The following TMPRSS11D variants were observed in gnomAD, a reference collection of about 807,000 sequenced individuals.
TMPRSS11D encodes transmembrane protease serine 11D.
A neutral mutation model predicts 44.4 loss-of-function variants in TMPRSS11D; 32 were observed. The ratio of observed to expected loss-of-function variants is 0.72; its 90% confidence interval spans 0.54 to 0.97. The LOEUF is 0.97. Among genes scored for constraint, TMPRSS11D ranks in the 50% least tolerant of loss-of-function variants. TMPRSS11D has a pLI of 0.00. For synonymous variants in TMPRSS11D, 179 were observed against 177.9 expected (o/e 1.01, Z -0.05); for missense variants, 446 against 502.6 (o/e 0.89, Z 1.08).
intron 3 of TMPRSS11D, among the ~76,000 whole-genome samples, chr4:67,844,257 A>G (rs1396374571): frequency 1.3e-5 from 2 of 152,222 alleles, no homozygotes; most frequent in East Asian, 3.8e-4. Context: ...GGTAAAATTT[A>G]TGCAATCTCG....
chr4:67,827,127 C>G (rs1195919200), intron 8 of TMPRSS11D, 134 bp downstream of exon 8: 1 of 1,195,450 alleles, frequency 8.4e-7, no homozygotes, highest in East Asian at 2.6e-5. Flanking sequence ...AGAGCTTGGG[C>G]TGAGCAGAAT....
chr4:67,827,571 C>T, intron 7 of TMPRSS11D, 51 bp from the exon 8 acceptor site: 1 of 1,520,754 alleles, frequency 6.6e-7, no homozygotes, highest in Non-Finnish European at 8.8e-7. Flanking sequence ...GTGAACATTT[C>T]AGATATATAA....
chr4:67,858,782 A>G (rs560060621), intron 2 of TMPRSS11D, among the ~76,000 whole-genome samples: 5 of 152,286 alleles, frequency 3.3e-5, no homozygotes, highest in African/African-American at 1.2e-4. Flanking sequence ...CTAATATATG[A>G]TATTATTTAG....
At chr4:67,861,408 C>T (rs1718788701) in intron 1 of TMPRSS11D, among the ~76,000 whole-genome samples, 2 of 152,164 alleles carry the variant, frequency 1.3e-5, no homozygotes, top group Non-Finnish European at 2.9e-5. Flanking sequence ...TTAATAGTGG[C>T]TGCTGAGTAG....
chr4:67,826,896 G>A (rs950013767), intron 8 of TMPRSS11D, among the ~76,000 whole-genome samples: 2 of 152,110 alleles, frequency 1.3e-5, no homozygotes, highest in African/African-American at 4.8e-5. Flanking sequence ...CTGCACTCCA[G>A]TCTGAGAAAG....
intron 4 of TMPRSS11D, 44 bp from the exon 5 acceptor site, chr4:67,838,373 T>C (rs747443914): frequency 1.5e-5 from 22 of 1,460,648 alleles, no homozygotes; most frequent in Non-Finnish European, 2.0e-5. Context: ...AATATGACAA[T>C]TTTTCACCAT....
chr4:67,846,541 A>G (rs1389797297), intron 3 of TMPRSS11D, among the ~76,000 whole-genome samples: 2 of 152,286 alleles, frequency 1.3e-5, no homozygotes, highest in East Asian at 3.9e-4. Flanking sequence ...CATGAAGTTT[A>G]CCATTGGCAT....
chr4:67,850,058 C>T (rs1429470879), intron 3 of TMPRSS11D, among the ~76,000 whole-genome samples: 2 of 152,108 alleles, frequency 1.3e-5, no homozygotes, highest in South Asian at 2.1e-4. Context: ...AGAAGAATTT[C>T]ATGGAAATCT....
chr4:67,847,054 A>G (rs10030794), intron 3 of TMPRSS11D, among the ~76,000 whole-genome samples: 115,614 of 151,896 alleles, frequency 0.76, 46,024 homozygotes, highest in Middle Eastern at 0.91. Context: ...ACAAGCATCC[A>G]CCATCATCCC....
chr4:67,843,893 A>T (rs1230625777), intron 3 of TMPRSS11D, among the ~76,000 whole-genome samples: 2 of 152,240 alleles, frequency 1.3e-5, no homozygotes, highest in African/African-American at 4.8e-5. Flanking sequence ...ACTGTACTCC[A>T]GCCTGGGCTA....
intron 3 of TMPRSS11D, among the ~76,000 whole-genome samples, chr4:67,845,395 T>C (rs1429084523): frequency 6.6e-6 from 1 of 152,178 alleles, no homozygotes; most frequent in African/African-American, 2.4e-5. Flanking sequence ...AGAGACAGGT[T>C]AGTTTAGCTT....
At chr4:67,842,350 A>G (rs1577812085) in intron 4 of TMPRSS11D, among the ~76,000 whole-genome samples, 2 of 152,186 alleles carry the variant, frequency 1.3e-5, no homozygotes. Flanking sequence ...CCCAATAAGA[A>G]TAGATATAAT....
chr4:67,824,793 A>G (rs936821272), intron 9 of TMPRSS11D, among the ~76,000 whole-genome samples: 1 of 152,100 alleles, frequency 6.6e-6, no homozygotes, highest in Non-Finnish European at 1.5e-5. Context: ...CACCCATGAA[A>G]ACAGCAACAA....
intron 1 of TMPRSS11D, among the ~76,000 whole-genome samples, chr4:67,875,743 C>T (rs1719175809): frequency 6.6e-6 from 1 of 152,248 alleles, no homozygotes; most frequent in Admixed American, 6.5e-5. Flanking sequence ...TAGTACCCAC[C>T]TCCTTGTTAT....
chr4:67,845,180 A>G (rs1247138280), intron 3 of TMPRSS11D, among the ~76,000 whole-genome samples: 1 of 152,206 alleles, frequency 6.6e-6, no homozygotes, highest in East Asian at 1.9e-4. Flanking sequence ...CAACATAAAG[A>G]AAGCAAGTTG....
chr4:67,833,415 T>C (rs1338219644), intron 6 of TMPRSS11D, 34 bp from the exon 7 acceptor site: 6 of 1,392,446 alleles, frequency 4.3e-6, no homozygotes, highest in Non-Finnish European at 5.6e-6. Flanking sequence ...GCTGGGAAGA[T>C]CATGATTCCT....
chr4:67,837,860 C>T (rs544445498), intron 5 of TMPRSS11D, among the ~76,000 whole-genome samples: 1 of 152,090 alleles, frequency 6.6e-6, no homozygotes, highest in Non-Finnish European at 1.5e-5. Flanking sequence ...TGACCTTGAG[C>T]ATCTATGTAC....
At chr4:67,847,109 G>A (rs937950573) in intron 3 of TMPRSS11D, among the ~76,000 whole-genome samples, 1 of 152,118 alleles carries the variant, frequency 6.6e-6, no homozygotes, top group Non-Finnish European at 1.5e-5. Context: ...TCGCCATGTT[G>A]GGCAGGCTGG....
chr4:67,851,102 G>A lies in TMPRSS11D; in HGVS notation c.249+2966C>T, dbSNP rs569211483. On this transcript the variant is annotated intron_variant, in intron 3 of 9. Transcript: ENST00000283916. ...AGACTGAGAACTTTGGAAATGTACC[G>A]AAGCGGGAGCTGGTGCTGTCCTGAC... Among the ~76,000 whole-genome samples, 5 of 152,256 alleles carry A rather than the reference G, an allele frequency of 3.3e-5. No individual in the cohort carries two copies. The East Asian group carries it at 5.8e-4, about 18-fold the overall frequency.
Sources: gnomAD v4.1 joint callset for allele counts (sites outside exome capture counted in the v4.1 genomes callset) on GRCh38, gnomAD v4.1.1 for gene constraint, MANE v1.5 for transcripts, NCBI Gene and HGNC (gene_info 2026-07-23, HGNC 2026-07-21) for gene names.